The following FUT8 variants were observed in gnomAD, a reference collection of about 807,000 sequenced individuals.
The protein encoded by FUT8 is alpha-(1,6)-fucosyltransferase.
In FUT8, 29 loss-of-function variants were observed where a neutral mutation model predicts 71.3. The observed-to-expected ratio is 0.41, with a 90% CI of 0.30 to 0.55. The LOEUF is 0.55. Among genes scored for constraint, FUT8 ranks in the 20% least tolerant of loss-of-function variants. The pLI is 0.34. For synonymous variants in FUT8, 254 were observed against 239.3 expected (o/e 1.06, Z -0.57); for missense variants, 544 against 702.1 (o/e 0.77, Z 2.55).
At chr14:65,686,984 AC>A (rs1314071074) in intron 7 of FUT8, among the ~76,000 whole-genome samples, 2 of 152,178 alleles carry the variant, frequency 1.3e-5, no homozygotes, top group Non-Finnish European at 2.9e-5. Context: ...TTTCAGTTGA[AC>A]TAAAAAGGCC....
chr14:65,397,970 T>C, the FUT8 span, among the ~76,000 whole-genome samples: 1 of 152,214 alleles, frequency 6.6e-6, no homozygotes, highest in Non-Finnish European at 1.5e-5. The surrounding 1 kb of genome is among the most constrained non-coding windows in gnomAD (Gnocchi z 4.2). Context: ...CAAAAGCCTA[T>C]TGATGCCTTA....
At chr14:65,441,430 A>G (rs1319259127) in intron 1 of FUT8, among the ~76,000 whole-genome samples, 1 of 152,146 alleles carries the variant, frequency 6.6e-6, no homozygotes, top group Non-Finnish European at 1.5e-5. Flanking sequence ...TTAGTAGGTA[A>G]ATTATTTTAT....
chr14:65,437,590 A>G (rs2065581110), intron 1 of FUT8, among the ~76,000 whole-genome samples: 1 of 152,200 alleles, frequency 6.6e-6, no homozygotes, highest in African/African-American at 2.4e-5. Context: ...CTGTTTTGGG[A>G]CTAGAGTACA....
chr14:65,718,317 G>A lies in FUT8; in HGVS notation c.836-3458G>A, dbSNP rs975581163. On this transcript the variant is annotated intron_variant, in intron 7 of 10. Transcript: ENST00000673929. ...TTTAAACTGATGACAATTTGGCACC[G>A]ATTGCATAAACAAACATGCAATCAA... is the stretch of plus-strand genomic sequence containing the variant. Among the ~76,000 whole-genome samples the A allele has an allele frequency of 4.6e-5, 7 of 152,180 alleles. 1 individual carries two copies. The highest frequency in any genetic ancestry group is 7.2e-5 in the African/African-American group (3 of 41,532).
At chr14:65,633,274 G>A in intron 6 of FUT8, among the ~76,000 whole-genome samples, 1 of 152,220 alleles carries the variant, frequency 6.6e-6, no homozygotes, top group Non-Finnish European at 1.5e-5. Context: ...GCCAGCCTCG[G>A]CCTCCTGAGG....
At chr14:65,680,505 T>G (rs2140406838) in intron 7 of FUT8, among the ~76,000 whole-genome samples, 1 of 152,344 alleles carries the variant, frequency 6.6e-6, no homozygotes, top group Non-Finnish European at 1.5e-5. Flanking sequence ...CAGTAATATA[T>G]GGATCTATTT....
chr14:65,736,827 A>G (rs1796605339), intron 10 of FUT8, among the ~76,000 whole-genome samples: 1 of 152,132 alleles, frequency 6.6e-6, no homozygotes, highest in African/African-American at 2.4e-5. Flanking sequence ...TCATGTGCCA[A>G]GAGATGTTAG....
intron 6 of FUT8, among the ~76,000 whole-genome samples, chr14:65,664,999 T>A (rs1291835319): frequency 6.6e-6 from 1 of 152,104 alleles, no homozygotes; most frequent in African/African-American, 2.4e-5. Flanking sequence ...TCATGTTAGC[T>A]AAACATTTGC....
chr14:65,460,931 C>G (rs1347794213), intron 2 of FUT8, among the ~76,000 whole-genome samples: 2 of 152,164 alleles, frequency 1.3e-5, no homozygotes, highest in South Asian at 2.1e-4. Context: ...TTTCTGCTGT[C>G]TCCTAGAATA....
the FUT8 span, among the ~76,000 whole-genome samples, chr14:65,405,529 A>AT: frequency 1.3e-5 from 2 of 151,852 alleles, no homozygotes; most frequent in African/African-American, 2.4e-5. Flanking sequence ...TCCTCTTCTT[A>AT]TTTTTTTTAC....
chr14:65,622,952 C>G (rs1209797441), intron 5 of FUT8, among the ~76,000 whole-genome samples: 1 of 149,040 alleles, frequency 6.7e-6, no homozygotes, highest in African/African-American at 2.5e-5. Context: ...CTCTGTCACC[C>G]AGGCTGGAGC....
At chr14:65,604,317 A>G (rs1353055583) in intron 3 of FUT8, among the ~76,000 whole-genome samples, 1 of 151,886 alleles carries the variant, frequency 6.6e-6, no homozygotes, top group Non-Finnish European at 1.5e-5. Context: ...TCATCAGCGC[A>G]TGGAACTTTC....
At chr14:65,375,096 T>C in the FUT8 span, among the ~76,000 whole-genome samples, 1 of 152,078 alleles carries the variant, frequency 6.6e-6, no homozygotes, top group Non-Finnish European at 1.5e-5. Context: ...AAGTGGAAGG[T>C]GAGAAATCCT....
chr14:65,686,929 A>T (rs1893316632), intron 7 of FUT8, among the ~76,000 whole-genome samples: 1 of 152,180 alleles, frequency 6.6e-6, no homozygotes. Flanking sequence ...GTCTTAGGTA[A>T]CCTGTGACTC....
At chr14:65,381,076 A>G in the FUT8 span, among the ~76,000 whole-genome samples, 6 of 152,204 alleles carry the variant, frequency 3.9e-5, no homozygotes, top group African/African-American at 1.4e-4. Flanking sequence ...ATATTTTTTT[A>G]CATTTGAAAG....
At chr14:65,549,129 G>C (rs957190860) in intron 2 of FUT8, among the ~76,000 whole-genome samples, 4 of 152,112 alleles carry the variant, frequency 2.6e-5, no homozygotes, top group African/African-American at 9.7e-5. Flanking sequence ...CATTGCTTCT[G>C]ACAACTCAGA....
chr14:65,532,681 T>C (rs190485535), intron 2 of FUT8, among the ~76,000 whole-genome samples: 1 of 152,348 alleles, frequency 6.6e-6, no homozygotes, highest in Admixed American at 6.5e-5. Flanking sequence ...TTGTTGCAGT[T>C]GCTTTTTGTG....
chr14:65,723,207 A>G (rs1677353995), intron 8 of FUT8, among the ~76,000 whole-genome samples: 1 of 151,642 alleles, frequency 6.6e-6, no homozygotes, highest in Non-Finnish European at 1.5e-5. Flanking sequence ...TGCCTGTAGT[A>G]CCAGCTGTTC....
intron 2 of FUT8, among the ~76,000 whole-genome samples, chr14:65,478,118 C>T (rs371901412): frequency 1.1e-4 from 16 of 152,194 alleles, no homozygotes; most frequent in African/African-American, 3.6e-4. Flanking sequence ...ACATACTCTT[C>T]TTTAAAGAGA....
Sources: allele counts gnomAD v4.1 joint callset (sites outside exome capture counted in the v4.1 genomes callset), GRCh38; gene constraint gnomAD v4.1.1; non-coding constraint Gnocchi (gnomAD v3.1); transcripts MANE v1.5; gene names NCBI Gene and HGNC (gene_info 2026-07-23, HGNC 2026-07-21).